ANO10: variants seen among roughly 807,000 people sequenced by gnomAD.
ANO10 encodes anoctamin-10.
In ANO10, 77 loss-of-function variants were observed where a neutral mutation model predicts 74.7. That is an observed-to-expected ratio of 1.03 (90% CI 0.86 to 1.25). The LOEUF is 1.25. Among genes scored for constraint, ANO10 ranks in the 50% most tolerant of loss-of-function variants. The probability of loss-of-function intolerance (pLI) is 0.00; values close to 1 mark genes in which losing one functional copy is unlikely to be tolerated. For missense variants in ANO10, 721 were observed against 778.1 expected (o/e 0.93, Z 0.87); for synonymous variants, 279 against 284.9 (o/e 0.98, Z 0.21).
At chr3:43,685,452 C>T (rs966479017) in intron 1 of ANO10, among the ~76,000 whole-genome samples, 7 of 152,166 alleles carry the variant, frequency 4.6e-5, no homozygotes, top group Non-Finnish European at 7.4e-5. Flanking sequence ...CATAAGCATT[C>T]TTATTAATGT....
chr3:43,663,597 A>C (rs1387891781), intron 1 of ANO10, among the ~76,000 whole-genome samples: 1 of 152,172 alleles, frequency 6.6e-6, no homozygotes, highest in East Asian at 1.9e-4. Flanking sequence ...TGGAATTCAA[A>C]TTGTCTCTGT....
At chr3:43,655,061 C>G (rs1438888951) in intron 1 of ANO10, among the ~76,000 whole-genome samples, 6 of 152,314 alleles carry the variant, frequency 3.9e-5, no homozygotes, top group Admixed American at 2.6e-4. Flanking sequence ...CTCTTTAAAT[C>G]AGAAAAGCTT....
chr3:43,486,053 G>T (rs963798534), intron 11 of ANO10, among the ~76,000 whole-genome samples: 1 of 152,314 alleles, frequency 6.6e-6, no homozygotes, highest in Admixed American at 6.5e-5. Context: ...GCTGTCTCTT[G>T]TTGGGCAAAT....
At chr3:43,593,614 A>G (rs1394324838) in intron 4 of ANO10, among the ~76,000 whole-genome samples, 1 of 152,224 alleles carries the variant, frequency 6.6e-6, no homozygotes, top group African/African-American at 2.4e-5. Flanking sequence ...AGGAAGCACT[A>G]AACATGGATT....
chr3:43,506,944 C>T (rs1489712849), intron 11 of ANO10, among the ~76,000 whole-genome samples: 2 of 152,128 alleles, frequency 1.3e-5, no homozygotes, highest in African/African-American at 4.8e-5. Flanking sequence ...AAATACACTC[C>T]ACGAGTACAG....
intron 11 of ANO10, among the ~76,000 whole-genome samples, chr3:43,465,142 A>G (rs1469021120): frequency 6.6e-6 from 1 of 152,222 alleles, no homozygotes; most frequent in East Asian, 1.9e-4. Context: ...ATTACTAATA[A>G]GCAAATTTTT....
rs2149402896 is a variant in ANO10, at chr3:43,577,025, T to A, written c.829A>T (p.Met277Leu). 1 of 1,614,126 alleles carries A rather than the reference T, an allele frequency of 6.2e-7. No individual in the cohort carries two copies. The highest frequency in any genetic ancestry group is 8.5e-7 in the Non-Finnish European group (1 of 1,179,978). ...CGGGGCTCCTCAAACTTTCTCTTCA[T>A]GAGCAGTGTCCCCCACCTGTAGGTC... ...NMTYRWGTLLMKRKFEEPRPG... is the reference protein window; with the variant it reads ...NMTYRWGTLLLKRKFEEPRPG... The change falls in exon 6 of 13, where the codon ATG becomes TTG. Residue 277 changes from methionine to leucine, a missense_variant. By Grantham distance (15) the Met-to-Leu change is conservative. Transcript: ENST00000292246.
chr3:43,682,625 A>C (rs574431457), intron 1 of ANO10, among the ~76,000 whole-genome samples: 6 of 152,274 alleles, frequency 3.9e-5, no homozygotes, highest in Admixed American at 1.3e-4. Context: ...GAGACACAAC[A>C]AAAAAAGAGA....
intron 11 of ANO10, among the ~76,000 whole-genome samples, chr3:43,477,574 A>G (rs893084955): frequency 2.0e-5 from 3 of 152,244 alleles, no homozygotes; most frequent in Non-Finnish European, 4.4e-5. Flanking sequence ...ATCTGAGCAC[A>G]GATCTAAAAC....
chr3:43,635,810 T>C (rs1257629615), intron 1 of ANO10, among the ~76,000 whole-genome samples: 3 of 151,912 alleles, frequency 2.0e-5, no homozygotes, highest in Non-Finnish European at 2.9e-5. Context: ...TTAGTAAAGA[T>C]GGGGTTTCAC....
chr3:43,368,748 G>A (rs933620234), intron 12 of ANO10, among the ~76,000 whole-genome samples: 1 of 150,980 alleles, frequency 6.6e-6, no homozygotes, highest in South Asian at 2.1e-4. Context: ...GTGCAGAGGC[G>A]TGATCACACT....
At chr3:43,616,857 C>T (rs2083134543) in intron 1 of ANO10, among the ~76,000 whole-genome samples, 1 of 152,026 alleles carries the variant, frequency 6.6e-6, no homozygotes, top group Non-Finnish European at 1.5e-5. Flanking sequence ...GGTAGGTCCA[C>T]TCCTCAGGGA....
intron 11 of ANO10, among the ~76,000 whole-genome samples, chr3:43,441,604 A>C (rs1345718629): frequency 6.6e-6 from 1 of 152,070 alleles, no homozygotes; most frequent in Non-Finnish European, 1.5e-5. Flanking sequence ...CCACCAATAC[A>C]CCTCGAATTC....
chr3:43,405,588 C>T (rs183002252), intron 12 of ANO10, among the ~76,000 whole-genome samples: 5 of 152,280 alleles, frequency 3.3e-5, no homozygotes, highest in Admixed American at 2.6e-4. Context: ...CAGGCTCAAG[C>T]GATCCTCCCA....
chr3:43,432,151 T>C (rs2148940257), intron 12 of ANO10, among the ~76,000 whole-genome samples: 1 of 147,844 alleles, frequency 6.8e-6, no homozygotes, highest in East Asian at 2.0e-4. Context: ...TCTGGTAGAA[T>C]GTGGAAGTCA....
At chr3:43,537,706 C>CA (rs2078777909) in intron 11 of ANO10, among the ~76,000 whole-genome samples, 1 of 151,686 alleles carries the variant, frequency 6.6e-6, no homozygotes, top group African/African-American at 2.4e-5. Flanking sequence ...AACCAATATT[C>CA]AAAAACCTTT....
chr3:43,433,134 C>T (rs998799635), intron 11 of ANO10, among the ~76,000 whole-genome samples: 9 of 151,204 alleles, frequency 6.0e-5, no homozygotes, highest in Non-Finnish European at 8.9e-5. Context: ...TTAGTAGAGA[C>T]GGGGGTTTCA....
At chr3:43,410,463 G>T (rs2092647394) in intron 12 of ANO10, among the ~76,000 whole-genome samples, 2 of 152,040 alleles carry the variant, frequency 1.3e-5, no homozygotes, top group Admixed American at 1.3e-4. Context: ...TAAAGAGTTT[G>T]TTTTAAAATA....
At chr3:43,690,808 G>A (rs936542700) in intron 1 of ANO10, 3 of 484,932 alleles carry the variant, frequency 6.2e-6, no homozygotes, top group East Asian at 3.7e-5. Flanking sequence ...TGGGGATGGC[G>A]GACGCAAAGC....
Sources: gnomAD v4.1 joint callset for allele counts (sites outside exome capture counted in the v4.1 genomes callset) on GRCh38, gnomAD v4.1.1 for gene constraint, MANE v1.5 for transcripts, NCBI Gene and HGNC (gene_info 2026-07-23, HGNC 2026-07-21) for gene names.